Variants in CAGE1 observed in about 807,000 individuals in gnomAD.
CAGE1 encodes the protein cancer antigen 1.
A neutral mutation model predicts 94.9 loss-of-function variants in CAGE1; 66 were observed. The ratio of observed to expected loss-of-function variants is 0.70; its 90% CI spans 0.57 to 0.85. The LOEUF is 0.85. CAGE1 is among the 40% of genes least tolerant of loss of function. CAGE1 has a pLI of 0.00. For missense variants in CAGE1, 865 were observed against 950.4 expected, an observed-to-expected ratio of 0.91 and a Z score of 1.18; for synonymous variants, 319 against 321.0, an observed-to-expected ratio of 0.99 and a Z score of 0.07.
chr6:7,385,675 G>T, intron 3 of CAGE1, 110 bp downstream of exon 3: 1 of 494,330 alleles, frequency 2.0e-6, no homozygotes, highest in Non-Finnish European at 3.5e-6. Flanking sequence ...TGTGGATTAA[G>T]TGTGATGATG....
intron 12 of CAGE1, among the ~76,000 whole-genome samples, chr6:7,333,586 G>T (rs138812433): frequency 1.7e-4 from 20 of 119,398 alleles, no homozygotes; most frequent in Non-Finnish European, 2.5e-4. Flanking sequence ...ACCTTAAATT[G>T]AGATAAGGAA....
chr6:7,370,327 A>G (rs1282768917), intron 5 of CAGE1, among the ~76,000 whole-genome samples: 1 of 152,268 alleles, frequency 6.6e-6, no homozygotes, highest in South Asian at 2.1e-4. Context: ...CCAGGGTCTC[A>G]CTGTCACACA....
intron 13 of CAGE1, among the ~76,000 whole-genome samples, chr6:7,327,793 G>T (rs1561843350): frequency 6.6e-6 from 1 of 152,072 alleles, no homozygotes; most frequent in Non-Finnish European, 1.5e-5. Flanking sequence ...AGCTAGGCGT[G>T]GTGGTACCTG....
At chr6:7,328,620 A>G (rs764520204) in intron 13 of CAGE1, among the ~76,000 whole-genome samples, 12 of 152,070 alleles carry the variant, frequency 7.9e-5, no homozygotes. Context: ...TGAGGGGAGG[A>G]TAGGGAGAAG....
intron 9 of CAGE1, among the ~76,000 whole-genome samples, chr6:7,364,582 C>T (rs1266771974): frequency 6.6e-6 from 1 of 152,130 alleles, no homozygotes; most frequent in Non-Finnish European, 1.5e-5. Context: ...GATTCTCCTG[C>T]CTCAGCCTCC....
chr6:7,329,929 G>C (rs1362174335), intron 12 of CAGE1, 41 bp from the exon 13 acceptor site: 4 of 912,606 alleles, frequency 4.4e-6, no homozygotes, highest in Admixed American at 4.4e-5. Flanking sequence ...AAGGAGGAAG[G>C]GGGGACTGAA....
intron 5 of CAGE1, among the ~76,000 whole-genome samples, chr6:7,372,462 C>G (rs1394759887): frequency 8.8e-6 from 1 of 113,348 alleles, no homozygotes. Context: ...CAGAGCAATA[C>G]TGTCTCAAAA....
chr6:7,387,840 A>T (rs1330290850), intron 1 of CAGE1, among the ~76,000 whole-genome samples: 1 of 147,108 alleles, frequency 6.8e-6, no homozygotes, highest in African/African-American at 2.5e-5. Context: ...TAACACGGTG[A>T]AACCCCATCT....
rs1253775640 is a variant in CAGE1 at position 7,369,909 on chromosome 6, G to A, written c.1893+10C>T. On this transcript the variant is annotated intron_variant, in intron 6 of 13. Transcript: ENST00000502583. ...CCCTACTAAAATATCTAATATATATGTTTTATTACCTGGCATGTGAGAAGT... is the reference window on the plus strand; with the variant it reads ...CCCTACTAAAATATCTAATATATATATTTTATTACCTGGCATGTGAGAAGT... The A allele has an allele frequency of 1.9e-6, 3 of 1,603,804 alleles. No homozygotes were observed. The highest frequency in any genetic ancestry group is 2.5e-6 in the Non-Finnish European group (3 of 1,176,776).
At chr6:7,381,361 G>C (rs1760925078) in intron 3 of CAGE1, among the ~76,000 whole-genome samples, 1 of 152,212 alleles carries the variant, frequency 6.6e-6, no homozygotes, top group African/African-American at 2.4e-5. Context: ...CTGCAAGCCA[G>C]GGAGGGAGGC....
chr6:7,336,149 T>C (rs1171043793), intron 11 of CAGE1, among the ~76,000 whole-genome samples: 1 of 152,202 alleles, frequency 6.6e-6, no homozygotes, highest in Non-Finnish European at 1.5e-5. Context: ...AAAGCCTGAG[T>C]CTATCATGCT....
intron 12 of CAGE1, among the ~76,000 whole-genome samples, chr6:7,330,634 G>T (rs1379510165): frequency 6.6e-6 from 1 of 152,214 alleles, no homozygotes; most frequent in East Asian, 1.9e-4. Context: ...TTGAGAGGCT[G>T]CAGAGTAAGC....
chr6:7,350,412 T>C (rs190823703), intron 11 of CAGE1, among the ~76,000 whole-genome samples: 2 of 152,228 alleles, frequency 1.3e-5, no homozygotes, highest in East Asian at 3.9e-4. Context: ...CAAATGGACT[T>C]AACAGATATA....
chr6:7,340,895 C>CG (rs754398655), intron 11 of CAGE1: 8 of 421,532 alleles, frequency 1.9e-5, no homozygotes, highest in South Asian at 1.2e-4. Context: ...CAATTTTAGC[C>CG]GGGGGGAGCT....
intron 3 of CAGE1, among the ~76,000 whole-genome samples, chr6:7,382,907 C>T (rs1169236215): frequency 6.6e-6 from 1 of 151,988 alleles, no homozygotes; most frequent in Non-Finnish European, 1.5e-5. Flanking sequence ...GAGACTCCAT[C>T]TCAAGAAAAA....
chr6:7,381,838 T>C (rs1760943472), intron 3 of CAGE1, among the ~76,000 whole-genome samples: 1 of 149,028 alleles, frequency 6.7e-6, no homozygotes. Context: ...CTGAATTATG[T>C]GCCTTTTTCT....
In CAGE1 at chr6:7,326,754, A is replaced by AT. The variant is rs1438576795; in HGVS notation, c.*103dup. On this transcript the variant is annotated 3_prime_UTR_variant, in exon 14 of 14. Transcript: ENST00000502583. ...ATGTAAGACTTTACCCTTTATACAG[A>AT]TTTTAATATATCATCTGCATGGATT... The AT allele has an allele frequency of 1.2e-6, 1 of 828,526 alleles. No individual in the cohort carries two copies. The highest frequency in any genetic ancestry group is 2.1e-6 in the Non-Finnish European group (1 of 485,694). The allele number at this position is 828,526 out of a possible 1,614,324, so 51.3% of individuals were successfully genotyped here. A position where few individuals can be genotyped will look rare whatever the true frequency, so the allele number is the denominator to read the frequency against.
intron 11 of CAGE1, among the ~76,000 whole-genome samples, chr6:7,344,102 G>A (rs1759306816): frequency 6.6e-6 from 1 of 152,218 alleles, no homozygotes; most frequent in Non-Finnish European, 1.5e-5. Context: ...CTCTGCCTGG[G>A]CTCCCACTTT....
At chr6:7,345,135 CTTTTAGGAG>C (rs1759396973) in intron 11 of CAGE1, among the ~76,000 whole-genome samples, 1 of 41,952 alleles carries the variant, frequency 2.4e-5, no homozygotes, top group African/African-American at 1.7e-4. Flanking sequence ...ATCCATATTG[CTTTTAGGAG>C]CTAGGTCCAT....
Sources: allele counts gnomAD v4.1 joint callset (sites outside exome capture counted in the v4.1 genomes callset), GRCh38; gene constraint gnomAD v4.1.1; transcripts MANE v1.5; gene names NCBI Gene and HGNC (gene_info 2026-07-23, HGNC 2026-07-21).